Variants in HHLA1 observed in about 807,000 individuals in gnomAD.
The protein encoded by HHLA1 is HERV-H LTR-associating protein 1.
Under a neutral mutation model 69.9 loss-of-function variants are expected in HHLA1, and 72 were observed. The observed-to-expected ratio is 1.03, with a 90% CI of 0.85 to 1.25. The LOEUF is 1.25. HHLA1 is among the 50% of genes most tolerant of loss of function. HHLA1 has a pLI of 0.00. For synonymous variants in HHLA1, 252 were observed against 233.2 expected (o/e 1.08, Z -0.73); for missense variants, 685 against 642.2 (o/e 1.07, Z -0.72).
At chr8:132,108,028 T>C (rs796822293) in intron 1 of HHLA1, among the ~76,000 whole-genome samples, 6 of 152,352 alleles carry the variant, frequency 3.9e-5, no homozygotes, top group African/African-American at 1.4e-4. Context: ...TGATCTGGGC[T>C]AACTTACTTA....
chr8:132,094,003 A>G lies in HHLA1; in HGVS notation c.448+1516T>C, dbSNP rs547445474. Reference sequence around the variant, plus strand: ...AATATTTGTTTTAGAAATTCTACTCAGTGGGGGAAATAATCTGAAACAGGG... The same window carrying G: ...AATATTTGTTTTAGAAATTCTACTCGGTGGGGGAAATAATCTGAAACAGGG... On this transcript the variant is annotated intron_variant, in intron 7 of 16. Coordinates refer to ENST00000414222, the MANE Select transcript of HHLA1 (RefSeq NM_001145095.3). Among the ~76,000 whole-genome samples, 11 of 152,336 alleles carry G rather than the reference A, an allele frequency of 7.2e-5. No homozygotes were observed. The East Asian group carries it at 2.1e-3, about 29-fold the overall frequency.
In HHLA1 at chr8:132,061,776, G is replaced by GT. The variant is rs1823357102; in HGVS notation, c.*2218dup. ...CAGTCGTCAGCCACTCCTGGGCCCT[G>GT]TTTTCCTTCTGCCTTTGCTGCTGTT... On this transcript the variant is annotated 3_prime_UTR_variant, in exon 17 of 17. Transcript: ENST00000414222. The GT allele has an allele frequency of 6.6e-6, 1 of 152,262 alleles. No individual in the cohort carries two copies. Among genetic ancestry groups the GT allele is most frequent in the South Asian group, 2.1e-4 (1 of 4,830 alleles). 9.4% of individuals were successfully genotyped at this position (152,262 alleles called of 1,614,324 possible).
chr8:132,083,597 C>A (rs2130886646), intron 10 of HHLA1, among the ~76,000 whole-genome samples: 1 of 152,304 alleles, frequency 6.6e-6, no homozygotes, highest in East Asian at 1.9e-4. Context: ...GTGAGTTGAA[C>A]AGTCCGATTT....
At position 132,061,982 on chromosome 8, in the gene HHLA1, C is replaced by A. The variant is rs1823360621; in HGVS notation, c.*2013G>T. 1 of 152,212 alleles carries A rather than the reference C, an allele frequency of 6.6e-6. No individual in the cohort carries two copies. Among genetic ancestry groups the A allele is most frequent in the South Asian group, 2.1e-4 (1 of 4,826 alleles). The allele number at this position is 152,212 out of a possible 1,614,324, so 9.4% of individuals were successfully genotyped here. ...GGGGTAACTGGGTTCACATGGGTTTCCCCACAAGTGAATAGCCCCAGTCTT... is the reference window on the plus strand; with the variant it reads ...GGGGTAACTGGGTTCACATGGGTTTACCCACAAGTGAATAGCCCCAGTCTT... On this transcript the variant is annotated 3_prime_UTR_variant, in exon 17 of 17. Coordinates refer to ENST00000414222, the MANE Select transcript of HHLA1 (RefSeq NM_001145095.3).
At chr8:132,110,235 C>T (rs1010074273) in intron 1 of HHLA1, among the ~76,000 whole-genome samples, 5 of 152,140 alleles carry the variant, frequency 3.3e-5, no homozygotes, top group Admixed American at 3.3e-4. Flanking sequence ...CAGTGAGTGA[C>T]ACATGTTCTG....
At chr8:132,103,573 G>A (rs1036045353) in intron 3 of HHLA1, among the ~76,000 whole-genome samples, 6 of 152,056 alleles carry the variant, frequency 3.9e-5, no homozygotes, top group Non-Finnish European at 8.8e-5. Context: ...AGTTGAGATC[G>A]TGCCACCTGA....
At chr8:132,088,213 A>G (rs1181695786) in intron 8 of HHLA1, among the ~76,000 whole-genome samples, 2 of 152,176 alleles carry the variant, frequency 1.3e-5, no homozygotes, top group Non-Finnish European at 2.9e-5. Flanking sequence ...GCCCCTTTAT[A>G]AAATGGTGAA....
chr8:132,105,310 T>C (rs980236708), intron 1 of HHLA1, 24 bp from the exon 2 acceptor site: 10 of 1,434,194 alleles, frequency 7.0e-6, no homozygotes, highest in Non-Finnish European at 9.6e-6. Flanking sequence ...AGCAAACACT[T>C]AGGAAACTAA....
At chr8:132,101,402 T>G in intron 3 of HHLA1, 3 of 1,254,910 alleles carry the variant, frequency 2.4e-6, no homozygotes, top group Non-Finnish European at 3.2e-6. Context: ...CAAACTTGAT[T>G]TGATGTACCT....
intron 3 of HHLA1, among the ~76,000 whole-genome samples, chr8:132,100,510 G>A (rs1490614850): frequency 6.6e-6 from 1 of 152,216 alleles, no homozygotes; most frequent in African/African-American, 2.4e-5. Context: ...CTGTAGAGCA[G>A]TGCCCAAAAT....
chr8:132,074,363 A>G (rs1823599381), intron 14 of HHLA1, among the ~76,000 whole-genome samples: 1 of 152,042 alleles, frequency 6.6e-6, no homozygotes, highest in Non-Finnish European at 1.5e-5. Context: ...TATCTTGGAA[A>G]AGGTGACACA....
rs192253377 is a variant in HHLA1 at position 132,095,542 on chromosome 8, T to C, written c.425A>G (p.Asn142Ser). 1.5e-4 allele frequency: 228 copies of C among 1,550,122 alleles called. No individual in the cohort carries two copies. The highest frequency in any genetic ancestry group is 1.9e-4 in the Non-Finnish European group (214 of 1,145,462). The part of the protein sequence containing the change: ...KFPTRYCYCL[N>S]NRTNDLSDFT... Reference sequence around the variant, plus strand: ...ACCTGATAAGTCATTGGTCCGATTGTTTAAACAGTAGCAATACCTTGTGGG... The same window carrying C: ...ACCTGATAAGTCATTGGTCCGATTGCTTAAACAGTAGCAATACCTTGTGGG... Residue 142 changes from asparagine to serine, a missense_variant, in exon 7 of 17, where the codon AAC becomes AGC. Physicochemically the swap from Asn to Ser is conservative, Grantham distance 46. Coordinates refer to ENST00000414222, the MANE Select transcript of HHLA1 (RefSeq NM_001145095.3).
chr8:132,063,471 C>T lies in HHLA1; in HGVS notation c.*524G>A, dbSNP rs1212373096. 6.6e-6 allele frequency: 1 copy of T among 152,250 alleles called. No individual in the cohort carries two copies. The highest frequency in any genetic ancestry group is 2.4e-5 in the African/African-American group (1 of 41,448). 9.4% of individuals were successfully genotyped at this position (152,250 alleles called of 1,614,324 possible). On this transcript the variant is annotated 3_prime_UTR_variant, in exon 17 of 17. Coordinates refer to ENST00000414222, the MANE Select transcript of HHLA1 (RefSeq NM_001145095.3). ...TTGGAAGATTATATAGATCCCATAC[C>T]ATGGCAAGTCTGATTGGTTGTACAT... is the stretch of plus-strand genomic sequence containing the variant.
In HHLA1 at chr8:132,105,274, T is replaced by C. The variant is rs1351117400; in HGVS notation, c.-9A>G. ...GACAGGAAGCCCAGCATGCTTGTGA[T>C]ACTCTGGCCCACCTGGAATGAAGCA... On this transcript the variant is annotated 5_prime_UTR_variant, in exon 2 of 17. Coordinates refer to ENST00000414222, the MANE Select transcript of HHLA1 (RefSeq NM_001145095.3). The C allele has an allele frequency of 6.4e-7, 1 of 1,551,322 alleles. No individual in the cohort carries two copies. The highest frequency in any genetic ancestry group is 2.0e-5 in the Admixed American group (1 of 51,012).
chr8:132,095,522 A>T lies in HHLA1; in HGVS notation c.445T>A (p.Ser149Thr), dbSNP rs1352495297. The T allele has an allele frequency of 1.3e-6, 2 of 1,546,042 alleles. No individual in the cohort carries two copies. Among genetic ancestry groups the T allele is most frequent in the Non-Finnish European group, 1.8e-6 (2 of 1,141,748 alleles). Residue 149 changes from serine (S) to threonine (T), a missense_variant, in exon 7 of 17, where the codon TCA becomes ACA. Physicochemically the swap from Ser to Thr is moderately conservative, Grantham distance 58. Coordinates refer to ENST00000414222, the MANE Select transcript of HHLA1 (RefSeq NM_001145095.3). Reference protein sequence around the residue: ...YCLNNRTNDLSDFTALLVDII... With the variant: ...YCLNNRTNDLTDFTALLVDII... ...CCTCATGGTAAGCTGTACCCACCTGATAAGTCATTGGTCCGATTGTTTAAA... is the reference window on the plus strand; with the variant it reads ...CCTCATGGTAAGCTGTACCCACCTGTTAAGTCATTGGTCCGATTGTTTAAA...
rs1163026966 is a variant in HHLA1 at position 132,063,553 on chromosome 8, T to C, written c.*442A>G. The C allele has an allele frequency of 6.5e-6, 1 of 153,890 alleles. No homozygotes were observed. 9.5% of individuals were successfully genotyped at this position (153,890 alleles called of 1,614,324 possible). ...CTCTAGAGTATGAATTCAATATTAA[T>C]TTATGCTTTTGTTGTCTTTCAAAAG... On this transcript the variant is annotated 3_prime_UTR_variant, in exon 17 of 17. Coordinates refer to ENST00000414222, the MANE Select transcript of HHLA1 (RefSeq NM_001145095.3).
Position 132,063,109 on chromosome 8 carries a change from C to A in HHLA1, c.*886G>T, listed in dbSNP as rs766173663. 3 of 152,326 alleles carry A rather than the reference C, an allele frequency of 2.0e-5. No homozygotes were observed. Among genetic ancestry groups the A allele is most frequent in the African/African-American group, 7.2e-5 (3 of 41,444 alleles). 9.4% of individuals were successfully genotyped at this position (152,326 alleles called of 1,614,324 possible). A position where few individuals can be genotyped will look rare whatever the true frequency, so the allele number is the denominator to read the frequency against. ...AGCTTTCCTGGCTGACAATACTCCA[C>A]GTGTTGTTAAACATTATTTCTGGGA... On this transcript the variant is annotated 3_prime_UTR_variant, in exon 17 of 17. Transcript: ENST00000414222.
intron 10 of HHLA1, among the ~76,000 whole-genome samples, chr8:132,084,776 G>C (rs942538255): frequency 6.7e-6 from 1 of 148,372 alleles, no homozygotes; most frequent in Non-Finnish European, 1.5e-5. Flanking sequence ...GGTGGGGGTG[G>C]TGGTTCTTGC....
chr8:132,068,982 T>C (rs577760870), intron 15 of HHLA1, among the ~76,000 whole-genome samples: 1 of 152,356 alleles, frequency 6.6e-6, no homozygotes, highest in African/African-American at 2.4e-5. Context: ...GTTTTATTTA[T>C]TCTGAACAAG....
Sources: allele counts gnomAD v4.1 joint callset (sites outside exome capture counted in the v4.1 genomes callset), GRCh38; gene constraint gnomAD v4.1.1; transcripts MANE v1.5; gene names NCBI Gene and HGNC (gene_info 2026-07-23, HGNC 2026-07-21).